The following SEPTIN7 variants were observed in gnomAD, a reference collection of about 807,000 sequenced individuals.
SEPTIN7 encodes the protein septin-7.
A neutral mutation model predicts 63.3 loss-of-function variants in SEPTIN7; 10 were observed. The observed-to-expected ratio is 0.16, with a 90% CI of 0.10 to 0.27. The LOEUF (loss-of-function observed/expected upper bound fraction) is 0.27, where lower values mean the gene tolerates loss of function less well. Among genes scored for constraint, SEPTIN7 ranks in the 10% least tolerant of loss-of-function variants. The pLI, the probability that SEPTIN7 is intolerant of heterozygous loss-of-function variation, is 1.00. For synonymous variants in SEPTIN7, 131 were observed against 165.3 expected, an observed-to-expected ratio of 0.79 and a Z score of 1.59; for missense variants, 310 against 521.0, an observed-to-expected ratio of 0.59 and a Z score of 3.94.
chr7:35,806,581 T>C (rs1276146952), intron 1 of SEPTIN7, among the ~76,000 whole-genome samples: 2 of 152,228 alleles, frequency 1.3e-5, no homozygotes, highest in Non-Finnish European at 2.9e-5. Context: ...TTTAAGTATT[T>C]AGTTCAATGA....
At chr7:35,892,927 A>C (rs1196477794) in intron 11 of SEPTIN7, among the ~76,000 whole-genome samples, 2 of 152,224 alleles carry the variant, frequency 1.3e-5, no homozygotes, top group Non-Finnish European at 2.9e-5. Flanking sequence ...ATAAATAGGA[A>C]TTAGACTGTT....
chr7:35,902,815 G>A (rs953950655), intron 12 of SEPTIN7: 7 of 335,184 alleles, frequency 2.1e-5, no homozygotes, highest in Non-Finnish European at 3.6e-5. Flanking sequence ...CCATTATAAA[G>A]TACTCCACAC....
chr7:35,894,877 C>T (rs1331884230), intron 11 of SEPTIN7, among the ~76,000 whole-genome samples: 1 of 152,182 alleles, frequency 6.6e-6, no homozygotes, highest in Non-Finnish European at 1.5e-5. Context: ...TTGACTAGGT[C>T]ATCCTTATGT....
intron 3 of SEPTIN7, among the ~76,000 whole-genome samples, chr7:35,853,900 G>A (rs1003987458): frequency 2.0e-5 from 3 of 152,074 alleles, no homozygotes; most frequent in African/African-American, 7.2e-5. Context: ...ACTGATTACT[G>A]CTTATTAACT....
intron 4 of SEPTIN7, among the ~76,000 whole-genome samples, chr7:35,866,179 C>T (rs1176267537): frequency 1.3e-5 from 2 of 152,204 alleles, no homozygotes. Context: ...CTTTTATATA[C>T]TGGAAACCAG....
chr7:35,808,795 A>T (rs1445728226), intron 1 of SEPTIN7, among the ~76,000 whole-genome samples: 1 of 152,226 alleles, frequency 6.6e-6, no homozygotes, highest in East Asian at 1.9e-4. Context: ...TAGCATATGG[A>T]TAGATCATGA....
At chr7:35,873,883 C>A in intron 6 of SEPTIN7, 108 bp downstream of exon 6, 1 of 1,045,222 alleles carries the variant, frequency 9.6e-7, no homozygotes, top group Non-Finnish European at 1.4e-6. Context: ...ACAACTATAG[C>A]CATTATGAAG....
At chr7:35,903,742 T>C (rs1788459712) in intron 13 of SEPTIN7, among the ~76,000 whole-genome samples, 2 of 152,194 alleles carry the variant, frequency 1.3e-5, no homozygotes, top group South Asian at 4.1e-4. Context: ...CCTTAATAGT[T>C]TCACTTAAAA....
intron 1 of SEPTIN7, among the ~76,000 whole-genome samples, chr7:35,815,764 C>T (rs1007713061): frequency 8.6e-5 from 13 of 152,028 alleles, no homozygotes; most frequent in African/African-American, 3.1e-4. Context: ...TGTTATTCTT[C>T]TGAAATACAA....
chr7:35,886,275 G>A (rs535254932), intron 10 of SEPTIN7, among the ~76,000 whole-genome samples: 2 of 152,252 alleles, frequency 1.3e-5, no homozygotes, highest in African/African-American at 4.8e-5. Flanking sequence ...CCTGGTAGCT[G>A]GTGAGTAGGG....
chr7:35,822,375 A>AT (rs1293134432), intron 1 of SEPTIN7, among the ~76,000 whole-genome samples: 3 of 151,896 alleles, frequency 2.0e-5, no homozygotes, highest in African/African-American at 7.3e-5. Context: ...TACTTATTTT[A>AT]TTTTTTTCTT....
intron 3 of SEPTIN7, among the ~76,000 whole-genome samples, chr7:35,852,223 C>T (rs1025640406): frequency 1.3e-5 from 2 of 152,158 alleles, no homozygotes; most frequent in African/African-American, 2.4e-5. Flanking sequence ...CTTTTATCTG[C>T]ATTTCATAGG....
At position 35,879,114 on chromosome 7, in the gene SEPTIN7, A is replaced by C. The variant is rs1406829702; in HGVS notation, c.513-709A>C. 2.0e-5 allele frequency among the ~76,000 whole-genome samples: 3 copies of C among 152,218 alleles called. No homozygotes were observed. The East Asian group carries it at 5.8e-4, about 29-fold the overall frequency. ...GGTAAGCACCATGATAGAAGTATTT[A>C]GTCACCTTCTTGAAAGTACAGAGGC... On this transcript the variant is annotated intron_variant, in intron 6 of 13. Transcript: ENST00000350320.
At chr7:35,855,197 C>T (rs1403626532) in intron 3 of SEPTIN7, among the ~76,000 whole-genome samples, 1 of 152,090 alleles carries the variant, frequency 6.6e-6, no homozygotes, top group Non-Finnish European at 1.5e-5. Flanking sequence ...TTTTCCCTAT[C>T]ACTGAATATA....
At chr7:35,912,933 C>T in the SEPTIN7 span, among the ~76,000 whole-genome samples, 5 of 152,214 alleles carry the variant, frequency 3.3e-5, no homozygotes, top group African/African-American at 4.8e-5. Flanking sequence ...TTATTGCCAT[C>T]ATTTTTACTT....
chr7:35,835,530 T>C (rs1784043549), intron 3 of SEPTIN7, among the ~76,000 whole-genome samples: 1 of 152,138 alleles, frequency 6.6e-6, no homozygotes, highest in Non-Finnish European at 1.5e-5. Flanking sequence ...CCAAACCCAG[T>C]CTACTGCTCA....
At chr7:35,839,879 A>G (rs572023439) in intron 3 of SEPTIN7, among the ~76,000 whole-genome samples, 1 of 152,196 alleles carries the variant, frequency 6.6e-6, no homozygotes, top group South Asian at 2.1e-4. Context: ...ACTGATGGAC[A>G]CTAGGTTTGT....
chr7:35,872,636 T>C (rs1263417580), intron 4 of SEPTIN7, 30 bp from the exon 5 acceptor site: 2 of 1,495,342 alleles, frequency 1.3e-6, no homozygotes, highest in Admixed American at 1.7e-5. Flanking sequence ...TAATGTATGA[T>C]ATTAACATCT....
chr7:35,813,628 G>A (rs983462203), intron 1 of SEPTIN7, among the ~76,000 whole-genome samples: 1 of 152,142 alleles, frequency 6.6e-6, no homozygotes, highest in African/African-American at 2.4e-5. Flanking sequence ...GCCTGCCTCA[G>A]CCTCCTAAAG....
Sources: gnomAD v4.1 joint callset for allele counts (sites outside exome capture counted in the v4.1 genomes callset) on GRCh38, gnomAD v4.1.1 for gene constraint, MANE v1.5 for transcripts, NCBI Gene and HGNC (gene_info 2026-07-23, HGNC 2026-07-21) for gene names.